The following NFKB1 variants were observed in gnomAD, a reference collection of about 807,000 sequenced individuals.
NFKB1 encodes the protein nuclear factor kappa B subunit 1.
NFKB1 carries 9 observed loss-of-function variants against 105.1 expected under a neutral mutation model. That is an observed-to-expected ratio of 0.09 (90% CI 0.05 to 0.15). NFKB1 has a LOEUF of 0.15. NFKB1 is among the 10% of genes least tolerant of loss of function. The pLI is 1.00. For synonymous variants in NFKB1, 440 were observed against 442.2 expected (o/e 1.00, Z 0.06); for missense variants, 830 against 1,203.7 (o/e 0.69, Z 4.59).
At chr4:102,524,047 T>G (rs929493414) in intron 1 of NFKB1, among the ~76,000 whole-genome samples, 3 of 151,720 alleles carry the variant, frequency 2.0e-5, no homozygotes, top group African/African-American at 4.8e-5. Context: ...AAAAGAAAAA[T>G]AACCCCAGGA....
At chr4:102,537,608 T>G (rs930647478) in intron 4 of NFKB1, 13 of 343,172 alleles carry the variant, frequency 3.8e-5, no homozygotes, top group Admixed American at 1.7e-4. Context: ...ATGCATAGCA[T>G]GAGAGGTTCC....
At chr4:102,593,254 C>T in intron 11 of NFKB1, 171 bp from the exon 12 acceptor site, 1 of 631,564 alleles carries the variant, frequency 1.6e-6, no homozygotes, top group Non-Finnish European at 2.7e-6. Context: ...GCCTTCATAC[C>T]CATTGGAATA....
At chr4:102,538,944 T>C (rs779099843) in intron 5 of NFKB1, among the ~76,000 whole-genome samples, 5 of 152,036 alleles carry the variant, frequency 3.3e-5, no homozygotes, top group African/African-American at 4.8e-5. Flanking sequence ...AAAGTTGTGA[T>C]GTAAAGAAAT....
intron 5 of NFKB1, chr4:102,557,040 G>T (rs1320932373): frequency 6.6e-6 from 1 of 152,136 alleles, no homozygotes; most frequent in African/African-American, 2.4e-5. Context: ...CCCTGGAAAA[G>T]GGAACAAACA....
At chr4:102,604,078 A>G (rs1727458428) in intron 16 of NFKB1, among the ~76,000 whole-genome samples, 1 of 152,190 alleles carries the variant, frequency 6.6e-6, no homozygotes, top group African/African-American at 2.4e-5. Flanking sequence ...AAAATGGTAC[A>G]GAAGAATCTA....
At chr4:102,525,605 T>C (rs772073843) in intron 2 of NFKB1, 48 bp downstream of exon 2, 1 of 1,506,458 alleles carries the variant, frequency 6.6e-7, no homozygotes, top group Non-Finnish European at 9.1e-7. Flanking sequence ...ATATTCATAT[T>C]TCAAAAATAT....
At chr4:102,502,189 A>G (rs1739090679) in intron 1 of NFKB1, 1 of 152,518 alleles carries the variant, frequency 6.6e-6, no homozygotes, top group East Asian at 1.9e-4. Flanking sequence ...GGTGCAGTGC[A>G]GAACCAGATT....
chr4:102,598,854 C>CATG (rs1423249757), intron 15 of NFKB1, among the ~76,000 whole-genome samples: 1 of 152,170 alleles, frequency 6.6e-6, no homozygotes, highest in Non-Finnish European at 1.5e-5. Context: ...AGGCGAGGCA[C>CATG]ATGCAAGTTC....
intron 16 of NFKB1, among the ~76,000 whole-genome samples, chr4:102,602,895 G>T (rs1440426314): frequency 1.3e-5 from 2 of 152,122 alleles, no homozygotes; most frequent in South Asian, 2.1e-4. Context: ...CTTGATTCTC[G>T]CAGACTTTTG....
At chr4:102,596,782 T>G (rs1342099791) in intron 14 of NFKB1, among the ~76,000 whole-genome samples, 1 of 152,056 alleles carries the variant, frequency 6.6e-6, no homozygotes, top group African/African-American at 2.4e-5. Flanking sequence ...AATGTACTTT[T>G]GCGTTTACTG....
At chr4:102,535,547 T>C in intron 4 of NFKB1, among the ~76,000 whole-genome samples, 1 of 152,306 alleles carries the variant, frequency 6.6e-6, no homozygotes, top group South Asian at 2.1e-4. Flanking sequence ...GATGTAGCCT[T>C]GCCTTTGAGG....
chr4:102,577,868 C>T, intron 7 of NFKB1: 1 of 985,280 alleles, frequency 1.0e-6, no homozygotes, highest in Non-Finnish European at 1.2e-6. Flanking sequence ...GTCTCTGTCC[C>T]TCCCCACTTC....
chr4:102,525,660 T>A (rs1020480851), intron 2 of NFKB1, 103 bp downstream of exon 2: 24 of 1,067,894 alleles, frequency 2.2e-5, no homozygotes, highest in Middle Eastern at 2.9e-4. Context: ...ATTCTAAAAT[T>A]AGTAAATTTT....
chr4:102,613,767 G>A (rs1018854832), intron 23 of NFKB1, among the ~76,000 whole-genome samples, 186 bp downstream of exon 23: 5 of 152,058 alleles, frequency 3.3e-5, no homozygotes, highest in Admixed American at 3.3e-4. Context: ...TGAGGGGGTC[G>A]TACCCTTGGA....
chr4:102,612,790 G>A (rs1013836398), intron 22 of NFKB1, among the ~76,000 whole-genome samples, 184 bp downstream of exon 22: 1 of 152,146 alleles, frequency 6.6e-6, no homozygotes, highest in African/African-American at 2.4e-5. Context: ...GCTGTTTTCA[G>A]ATACCTTCAG....
intron 5 of NFKB1, among the ~76,000 whole-genome samples, chr4:102,565,076 A>C (rs1723747316): frequency 6.6e-6 from 1 of 152,300 alleles, no homozygotes; most frequent in South Asian, 2.1e-4. Flanking sequence ...CCCACATTTA[A>C]GGGCAAAGAC....
At chr4:102,525,378 A>G (rs1740843529) in intron 1 of NFKB1, 134 bp from the exon 2 acceptor site, 9 of 720,160 alleles carry the variant, frequency 1.2e-5, no homozygotes, top group South Asian at 1.0e-4. Context: ...TCCTCCTCCT[A>G]TGGTCTTCAA....
rs993311784 is a variant in NFKB1, at chr4:102,582,749, T to A, written c.836-117T>A. ...AAAAGACTGAACCTTTTGATCTTGTTTTTTAAAAGTGTAAATAGATAGTAG... is the reference window on the plus strand; with the variant it reads ...AAAAGACTGAACCTTTTGATCTTGTATTTTAAAAGTGTAAATAGATAGTAG... On this transcript the variant is annotated intron_variant, in intron 9 of 23. Transcript: ENST00000226574. The A allele has an allele frequency of 1.2e-5, 7 of 577,474 alleles. No homozygotes were observed. The Admixed American group carries it at 1.9e-4, about 16-fold the overall frequency. The allele number at this position is 577,474 out of a possible 1,614,324, so 35.8% of individuals were successfully genotyped here.
At position 102,566,901 on chromosome 4, in the gene NFKB1, T is replaced by C. The variant is rs1325688483; in HGVS notation, c.259-86T>C. 21 of 1,424,638 alleles carry C rather than the reference T, an allele frequency of 1.5e-5. No homozygotes were observed. In the East Asian group the frequency reaches 2.5e-4, roughly 17 times the overall value. The allele number at this position is 1,424,638 out of a possible 1,614,324, so 88.2% of individuals were successfully genotyped here. Reference sequence around the variant, plus strand: ...ATATGAATAACTTTATATTGTACTTTTTATACTTACTGGCTTATCATAAAC... The same window carrying C: ...ATATGAATAACTTTATATTGTACTTCTTATACTTACTGGCTTATCATAAAC... On this transcript the variant is annotated intron_variant, in intron 5 of 23. Coordinates refer to ENST00000226574, the MANE Select transcript of NFKB1 (RefSeq NM_003998.4).
Sources: allele counts gnomAD v4.1 joint callset (sites outside exome capture counted in the v4.1 genomes callset), GRCh38; gene constraint gnomAD v4.1.1; transcripts MANE v1.5; gene names NCBI Gene and HGNC (gene_info 2026-07-23, HGNC 2026-07-21).